Variants in TMEM131 observed in about 807,000 individuals in gnomAD.
TMEM131 encodes the protein 2610524E03Rik.
TMEM131 carries 66 observed loss-of-function variants against 211.6 expected under a neutral mutation model. That is an observed-to-expected ratio of 0.31 (90% CI 0.26 to 0.38). The LOEUF is 0.38. Ranked by LOEUF, TMEM131 falls within the 10% of genes least tolerant of loss-of-function variation. The probability of loss-of-function intolerance (pLI) is 1.00; values close to 1 mark genes in which losing one functional copy is unlikely to be tolerated. For missense variants in TMEM131, 2,036 were observed against 2,299.3 expected (o/e 0.89, Z 2.34); for synonymous variants, 844 against 841.3 (o/e 1.00, Z -0.06).
At chr2:97,858,679 C>T (rs933701703) in intron 5 of TMEM131, among the ~76,000 whole-genome samples, 1 of 152,174 alleles carries the variant, frequency 6.6e-6, no homozygotes, top group Admixed American at 6.6e-5. Flanking sequence ...GAAAGATGCG[C>T]TGTTGCTGGC....
chr2:97,935,754 T>A (rs951456691), intron 1 of TMEM131, among the ~76,000 whole-genome samples: 1 of 152,176 alleles, frequency 6.6e-6, no homozygotes, highest in Non-Finnish European at 1.5e-5. Context: ...AGCATCAGAA[T>A]AAACTTTCTA....
At chr2:97,943,041 G>GAAAAGAAAGAA (rs779804229) in intron 1 of TMEM131, among the ~76,000 whole-genome samples, 1 of 36,610 alleles carries the variant, frequency 2.7e-5, no homozygotes, top group Admixed American at 2.9e-4. Context: ...GAAAAGAAAA[G>GAAAAGAAAGAA]AAAGAAAGAA....
chr2:97,787,764 G>A (rs1030219495), intron 31 of TMEM131, among the ~76,000 whole-genome samples: 11 of 152,050 alleles, frequency 7.2e-5, no homozygotes, highest in Non-Finnish European at 1.5e-4. Flanking sequence ...TCAAACACAC[G>A]AGGCACCCAG....
At chr2:97,812,106 T>C (rs1011347662) in intron 17 of TMEM131, among the ~76,000 whole-genome samples, 3 of 152,210 alleles carry the variant, frequency 2.0e-5, no homozygotes, top group Admixed American at 6.5e-5. Context: ...GTAAACTCAA[T>C]GAACACAAGG....
At chr2:97,940,526 C>A (rs1259904648) in intron 1 of TMEM131, among the ~76,000 whole-genome samples, 2 of 152,080 alleles carry the variant, frequency 1.3e-5, no homozygotes, top group African/African-American at 2.4e-5. Flanking sequence ...AGGACACAAA[C>A]GGCCTGGCGT....
At chr2:97,801,505 T>C (rs1422300517) in intron 25 of TMEM131, among the ~76,000 whole-genome samples, 1 of 152,252 alleles carries the variant, frequency 6.6e-6, no homozygotes, top group African/African-American at 2.4e-5. Flanking sequence ...CATTCATGGA[T>C]GGCTTACAAT....
At chr2:97,883,294 C>T (rs949456705) in intron 4 of TMEM131, among the ~76,000 whole-genome samples, 4 of 152,126 alleles carry the variant, frequency 2.6e-5, no homozygotes, top group Non-Finnish European at 4.4e-5. Context: ...CATGTAAATC[C>T]GCTGCTTTGG....
chr2:97,757,489 T>C (rs1678559416), intron 40 of TMEM131, 106 bp from the exon 41 acceptor site: 1 of 1,220,704 alleles, frequency 8.2e-7, no homozygotes. Context: ...CGCATTCCTC[T>C]TACTTTGTTT....
intron 1 of TMEM131, among the ~76,000 whole-genome samples, chr2:97,939,580 G>A (rs542668160): frequency 1.7e-4 from 26 of 152,226 alleles, no homozygotes; most frequent in Non-Finnish European, 2.6e-4. Flanking sequence ...ATTCACAGCC[G>A]AATTCTACCA....
In TMEM131 at chr2:97,812,630, G is replaced by A; in HGVS notation, c.1728+9C>T. The A allele has an allele frequency of 6.3e-7, 1 of 1,580,174 alleles. No homozygotes were observed. Among genetic ancestry groups the A allele is most frequent in the Non-Finnish European group, 8.6e-7 (1 of 1,163,956 alleles). ...TTAAATGTGATTTAGAATAAAAACA[G>A]GTTTTTACCTCAATTGGATTGCTGT... On this transcript the variant is annotated intron_variant, in intron 16 of 40. Transcript: ENST00000186436.
intron 3 of TMEM131, among the ~76,000 whole-genome samples, chr2:97,889,129 T>A (rs1462393668): frequency 6.6e-6 from 1 of 152,156 alleles, no homozygotes; most frequent in African/African-American, 2.4e-5. Context: ...ATAATCTGAG[T>A]AGTGGAATAA....
In TMEM131 at chr2:97,802,655, G is replaced by A. The variant is rs775745122; in HGVS notation, c.2538C>T (p.Ser846=). The A allele has an allele frequency of 1.7e-5, 28 of 1,612,228 alleles. No homozygotes were observed. Among genetic ancestry groups the A allele is most frequent in the Non-Finnish European group, 2.2e-5 (26 of 1,179,090 alleles). ...LKFPLTNTNC[S]SEEEITLENP... ...CAATGTCACTTTGAATACTTACTGA[G>A]GAGCAGTTTGTATTAGTAAGTGGAA... Residue 846 remains serine (S), a synonymous_variant, in exon 23 of 41, where the codon TCC becomes TCT. Transcript: ENST00000186436.
rs891606780 is a variant in TMEM131 at position 97,913,257 on chromosome 2, A to G, written c.250-4559T>C. Reference sequence around the variant, plus strand: ...CAATTATCTGGTCCAAAACGTACACAGGCCAAGACTGAACATCGTACTACA... The same window carrying G: ...CAATTATCTGGTCCAAAACGTACACGGGCCAAGACTGAACATCGTACTACA... On this transcript the variant is annotated intron_variant, in intron 2 of 40. Coordinates refer to ENST00000186436, the MANE Select transcript of TMEM131 (RefSeq NM_015348.2). 5.9e-5 allele frequency: 9 copies of G among 152,202 alleles called. No homozygotes were observed. In the South Asian group the frequency reaches 1.2e-3, roughly 21 times the overall value. The allele number at this position is 152,202 out of a possible 1,614,324, so 9.4% of individuals were successfully genotyped here. A position where few individuals can be genotyped will look rare whatever the true frequency, so the allele number is the denominator to read the frequency against.
intron 19 of TMEM131, among the ~76,000 whole-genome samples, chr2:97,806,840 A>G (rs1681325704): frequency 6.6e-6 from 1 of 152,130 alleles, no homozygotes; most frequent in South Asian, 2.1e-4. Flanking sequence ...AAAGGGCGCA[A>G]TGACTGTGAC....
At chr2:97,981,487 A>G (rs1679795722) in intron 1 of TMEM131, among the ~76,000 whole-genome samples, 1 of 152,234 alleles carries the variant, frequency 6.6e-6, no homozygotes, top group Non-Finnish European at 1.5e-5. Flanking sequence ...AGTCTCATCG[A>G]AAGTGTTGTG....
intron 11 of TMEM131, among the ~76,000 whole-genome samples, chr2:97,822,002 T>A (rs1473564860): frequency 6.6e-6 from 1 of 152,176 alleles, no homozygotes; most frequent in Non-Finnish European, 1.5e-5. Context: ...CTCAAAGTTA[T>A]GTTGCCCAAG....
Position 97,834,634 on chromosome 2 carries a change from T to C in TMEM131, c.999A>G (p.Thr333=), listed in dbSNP as rs927179111. Residue 333 remains threonine (T), a synonymous_variant, in exon 10 of 41, where the codon ACA becomes ACG. Transcript: ENST00000186436. ...AGATTTTTTTACCTTGTGTTCTTAG[T>C]GTACCAAAATCTAACATTTCAGTTG... ...YSSTEMLDFG[T]LRTQDLPKVL... The C allele has an allele frequency of 6.4e-7, 1 of 1,555,214 alleles. No homozygotes were observed. Among genetic ancestry groups the C allele is most frequent in the Non-Finnish European group, 8.7e-7 (1 of 1,153,378 alleles).
Position 97,816,490 on chromosome 2 carries a change from C to T in TMEM131, c.1184-1183G>A, listed in dbSNP as rs569639792. The stretch of plus-strand genomic sequence containing the variant: ...ATCCTCTTAGAGTACTTTAGGAACA[C>T]TTCCATTTATGTGAAGAATTCATAT... On this transcript the variant is annotated intron_variant, in intron 12 of 40. Coordinates refer to ENST00000186436, the MANE Select transcript of TMEM131 (RefSeq NM_015348.2). Among the ~76,000 whole-genome samples the T allele has an allele frequency of 6.6e-5, 10 of 152,284 alleles. No homozygotes were observed. In the South Asian group the frequency reaches 2.1e-3, roughly 32 times the overall value.
chr2:97,775,884 T>C lies in TMEM131; in HGVS notation c.4279A>G (p.Thr1427Ala), dbSNP rs1679698208. The change falls in exon 32 of 41, where the codon ACA becomes GCA. Residue 1427 changes from threonine to alanine, a missense_variant. This residue lies in a region of TMEM131 where 1,623 missense variants were observed against 1,805.9 expected (regional missense o/e 0.90). Transcript: ENST00000186436. ...LADDDSSSTT[T>A]ETSNPDTEPL... ...TCTGTGTCAGGGTTGGAGGTCTCTG[T>C]GGTGGTGGAGGAGCTATCATCATCA... 1 of 1,613,988 alleles carries C rather than the reference T, an allele frequency of 6.2e-7. No individual in the cohort carries two copies. The highest frequency in any genetic ancestry group is 2.2e-5 in the East Asian group (1 of 44,884).
Sources: gnomAD v4.1 joint callset for allele counts (sites outside exome capture counted in the v4.1 genomes callset) on GRCh38, gnomAD v4.1.1 for gene constraint, gnomAD v4.1.1 regional missense constraint, MANE v1.5 for transcripts, NCBI Gene and HGNC (gene_info 2026-07-23, HGNC 2026-07-21) for gene names.